EPN2: variants seen among roughly 807,000 people sequenced by gnomAD.
The protein encoded by EPN2 is epsin 2, also known as epsin-2.
In EPN2, 34 loss-of-function variants were observed where a neutral mutation model predicts 61.7. The observed-to-expected ratio is 0.55, with a 90% CI of 0.42 to 0.73. The LOEUF (loss-of-function observed/expected upper bound fraction) is 0.73, where lower values mean the gene tolerates loss of function less well. Among genes scored for constraint, EPN2 ranks in the 30% least tolerant of loss-of-function variants. The pLI is 0.00. For missense variants in EPN2, 714 were observed against 839.2 expected (o/e 0.85, Z 1.84); for synonymous variants, 349 against 353.6 (o/e 0.99, Z 0.15).
intron 1 of EPN2, among the ~76,000 whole-genome samples, chr17:19,278,563 C>G (rs563215470): frequency 6.6e-6 from 1 of 152,330 alleles, no homozygotes; most frequent in South Asian, 2.1e-4. Flanking sequence ...TCCCGGGTCC[C>G]TTCCACAACA....
chr17:19,266,660 C>T (rs2152210248), intron 1 of EPN2, among the ~76,000 whole-genome samples: 1 of 151,862 alleles, frequency 6.6e-6, no homozygotes, highest in South Asian at 2.1e-4. Flanking sequence ...CCTCGGCCTC[C>T]CAAAGTGCTG....
rs1229842586 is a variant in EPN2, at chr17:19,290,700, CAAAAAAAAAAAAAAAG to C, written c.766+4920_766+4935del. 7.1e-4 allele frequency among the ~76,000 whole-genome samples: 29 copies of C among 41,006 alleles called. No individual in the cohort carries two copies. In the South Asian group the frequency reaches 0.019, roughly 26 times the overall value. The allele number at this position is 41,006 out of a possible 152,430, so 26.9% of individuals were successfully genotyped here. A position where few individuals can be genotyped will look rare whatever the true frequency, so the allele number is the denominator to read the frequency against. ...TTTAACTGCCCAGCATTCCCGTTCT[CAAAAAAAAAAAAAAAG>C]AAAAAAAAAGAAAAAGGAAGGCAGG... is the stretch of plus-strand genomic sequence containing the variant. On this transcript the variant is annotated intron_variant, in intron 4 of 10. Transcript: ENST00000314728.
intron 9 of EPN2, among the ~76,000 whole-genome samples, chr17:19,331,023 T>G (rs76154134): frequency 6.6e-6 from 1 of 152,100 alleles, no homozygotes; most frequent in Non-Finnish European, 1.5e-5. Flanking sequence ...TTGTTTTGAG[T>G]CTTTTTTGCT....
intron 7 of EPN2, among the ~76,000 whole-genome samples, chr17:19,315,380 T>TGG (rs892223802): frequency 1.3e-5 from 2 of 152,126 alleles, no homozygotes; most frequent in African/African-American, 4.8e-5. Flanking sequence ...CCCTGATGAA[T>TGG]GGGGGCAACT....
At chr17:19,259,308 C>CTTTTTTTT (rs776768357) in intron 1 of EPN2, among the ~76,000 whole-genome samples, 12 of 96,188 alleles carry the variant, frequency 1.2e-4, no homozygotes, top group East Asian at 3.4e-4. Flanking sequence ...AGTGTTGGGT[C>CTTTTTTTT]TTTTTTTTTT....
At chr17:19,266,405 ATT>A (rs5819665) in intron 1 of EPN2, among the ~76,000 whole-genome samples, 5 of 142,044 alleles carry the variant, frequency 3.5e-5, no homozygotes, top group Non-Finnish European at 3.1e-5. Context: ...TATTTATTTT[ATT>A]TTTTTTTTTT....
chr17:19,313,252 A>C lies in EPN2; in HGVS notation c.1120A>C (p.Ser374Arg), dbSNP rs1443266188. The C allele has an allele frequency of 3.2e-6, 5 of 1,578,896 alleles. No homozygotes were observed. Among genetic ancestry groups the C allele is most frequent in the Non-Finnish European group, 4.3e-6 (5 of 1,166,068 alleles). Residue 374 changes from serine (S) to arginine (R), a missense_variant, in exon 7 of 11, where the codon AGT (serine) becomes CGT (arginine). This residue lies in a region of EPN2 where 410 missense variants were observed against 421.8 expected (regional missense o/e 0.97). Transcript: ENST00000314728. ...CTGGGGCGGGCCAGCGGCTCCTGCG[A>C]GTACTTCAGACCCCTGGCCATCGTT... ...NPWGGPAAPASTSDPWPSFGT... is the reference protein window; with the variant it reads ...NPWGGPAAPARTSDPWPSFGT...
At chr17:19,324,784 G>T (rs1250461282) in intron 7 of EPN2, among the ~76,000 whole-genome samples, 1 of 152,180 alleles carries the variant, frequency 6.6e-6, no homozygotes, top group Non-Finnish European at 1.5e-5. Flanking sequence ...TAAGGATAAA[G>T]ATAGAAATTA....
At chr17:19,242,378 T>G (rs1262680121) in intron 1 of EPN2, among the ~76,000 whole-genome samples, 3 of 151,634 alleles carry the variant, frequency 2.0e-5, no homozygotes, top group Admixed American at 2.0e-4. Flanking sequence ...GAAGGGGAGG[T>G]TGCAGTGAGT....
chr17:19,253,096 A>C (rs1466941043), intron 1 of EPN2, among the ~76,000 whole-genome samples: 1 of 152,216 alleles, frequency 6.6e-6, no homozygotes, highest in Non-Finnish European at 1.5e-5. Context: ...TCATCACTCC[A>C]AAAGAAAATC....
At position 19,313,366 on chromosome 17, in the gene EPN2, G is replaced by C; in HGVS notation, c.1147+87G>C. On this transcript the variant is annotated intron_variant, in intron 7 of 10. Coordinates refer to ENST00000314728, the MANE Select transcript of EPN2 (RefSeq NM_014964.5). ...GCTTCTTGCTGTCTCTCACCCACTT[G>C]GGTCTGGTCGATTGTGGTGGGTGTC... The C allele has an allele frequency of 2.3e-6, 3 of 1,319,964 alleles. No individual in the cohort carries two copies. The South Asian group carries it at 4.6e-5, about 20-fold the overall frequency. 81.8% of individuals were successfully genotyped at this position (1,319,964 alleles called of 1,614,324 possible).
intron 7 of EPN2, among the ~76,000 whole-genome samples, chr17:19,321,417 G>A (rs150639404): frequency 6.6e-6 from 1 of 152,312 alleles, no homozygotes; most frequent in African/African-American, 2.4e-5. Context: ...GGGATTTAGG[G>A]ATGGGGGACT....
At chr17:19,327,610 C>T (rs1468249052) in intron 7 of EPN2, among the ~76,000 whole-genome samples, 8 of 152,068 alleles carry the variant, frequency 5.3e-5, no homozygotes, top group South Asian at 4.1e-4. Flanking sequence ...GAGGTGGAGG[C>T]GTAGTGAGCT....
rs1181409558 is a variant in EPN2 at position 19,262,999 on chromosome 17, G to GT, written c.-293-18953dup. ...ATCTGTTCATCAATTGGACAAAGTT[G>GT]TTTCCAGTCTTTGGCAGTCGTGAGT... On this transcript the variant is annotated intron_variant, in intron 1 of 10. Coordinates refer to ENST00000314728, the MANE Select transcript of EPN2 (RefSeq NM_014964.5). Among the ~76,000 whole-genome samples the GT allele has an allele frequency of 3.3e-5, 5 of 152,208 alleles. No homozygotes were observed. The East Asian group carries it at 9.6e-4, about 29-fold the overall frequency.
chr17:19,259,833 C>T (rs1344456439), intron 1 of EPN2, among the ~76,000 whole-genome samples: 64 of 152,284 alleles, frequency 4.2e-4, no homozygotes, highest in African/African-American at 1.4e-3. Flanking sequence ...AAGGGACGGA[C>T]TTCTTTATCT....
rs763548437 is a variant in EPN2 at position 19,328,825 on chromosome 17, C to T, written c.1262C>T (p.Ala421Val). The T allele has an allele frequency of 6.2e-7, 1 of 1,613,646 alleles. No homozygotes were observed. The highest frequency in any genetic ancestry group is 1.7e-5 in the Admixed American group (1 of 59,968). Residue 421 changes from alanine (A) to valine (V), a missense_variant, in exon 8 of 11, where the codon GCT (alanine) becomes GTT (valine). Ala to Val is a moderately conservative substitution (Grantham distance 64). This residue lies in a region of EPN2 where 410 missense variants were observed against 421.8 expected (regional missense o/e 0.97). Transcript: ENST00000314728. ...WAASQQPASS[A>V]GKRASDAWGA... is the part of the protein sequence containing the mutation. ...GCTTCACAGCAGCCTGCCTCCAGTG[C>T]TGGGAAAAGAGCTTCTGACGCGTGG...
At chr17:19,266,131 A>T (rs1160832894) in intron 1 of EPN2, among the ~76,000 whole-genome samples, 1 of 152,184 alleles carries the variant, frequency 6.6e-6, no homozygotes, top group African/African-American at 2.4e-5. Flanking sequence ...TGAAGACGTG[A>T]GTTCCCTGCT....
intron 2 of EPN2, chr17:19,282,391 A>C (rs904201423): frequency 2.6e-5 from 4 of 152,242 alleles, no homozygotes; most frequent in Non-Finnish European, 5.9e-5. Context: ...GCAGTTTTGA[A>C]GGTATTGACA....
In EPN2 at chr17:19,335,349, A is replaced by G. The variant is rs1042367454; in HGVS notation, c.*1095A>G. On this transcript the variant is annotated 3_prime_UTR_variant, in exon 11 of 11. Transcript: ENST00000314728. ...TCCTGAAAGTTAAAGAAAAAAATCT[A>G]ATGTATGAATGTGACTCACCAATTT... 8.0e-6 allele frequency: 12 copies of G among 1,508,606 alleles called. No individual in the cohort carries two copies. The South Asian group carries it at 1.0e-4, about 13-fold the overall frequency. The allele number at this position is 1,508,606 out of a possible 1,614,324, so 93.5% of individuals were successfully genotyped here. A position where few individuals can be genotyped will look rare whatever the true frequency, so the allele number is the denominator to read the frequency against.
Sources: allele counts gnomAD v4.1 joint callset (sites outside exome capture counted in the v4.1 genomes callset), GRCh38; gene constraint gnomAD v4.1.1; regional missense constraint gnomAD v4.1.1; transcripts MANE v1.5; gene names NCBI Gene and HGNC (gene_info 2026-07-23, HGNC 2026-07-21).